Variants in CHODL observed in about 807,000 individuals in gnomAD.
CHODL encodes the protein chondrolectin.
In CHODL, 29 loss-of-function variants were observed where a neutral mutation model predicts 34.5. The observed-to-expected ratio is 0.84, with a 90% CI of 0.63 to 1.15. CHODL has a LOEUF of 1.15. Ranked by LOEUF, CHODL falls within the 50% of genes most tolerant of loss-of-function variation. The probability of loss-of-function intolerance (pLI) is 0.00; values close to 1 mark genes in which losing one functional copy is unlikely to be tolerated. For missense variants in CHODL, 332 were observed against 332.5 expected, an observed-to-expected ratio of 1.00 and a Z score of 0.01; for synonymous variants, 125 against 116.1, an observed-to-expected ratio of 1.08 and a Z score of -0.49.
In CHODL at chr21:18,255,273, C is replaced by G. The variant is rs541016214; in HGVS notation, c.80-1236C>G. 2.6e-5 allele frequency among the ~76,000 whole-genome samples: 4 copies of G among 151,982 alleles called. No homozygotes were observed. In the South Asian group the frequency reaches 8.3e-4, roughly 32 times the overall value. On this transcript the variant is annotated intron_variant, in intron 1 of 5. Transcript: ENST00000299295. ...ATAAAACCACCAGTAGTAAGATTAACTACAGAAAAAGGTGAATTTAAATGA... is the reference window on the plus strand; with the variant it reads ...ATAAAACCACCAGTAGTAAGATTAAGTACAGAAAAAGGTGAATTTAAATGA...
At chr21:17,978,421 CAA>C (rs914459888) in intron 1 of CHODL, among the ~76,000 whole-genome samples, 21 of 73,154 alleles carry the variant, frequency 2.9e-4, no homozygotes, top group East Asian at 4.7e-4. Flanking sequence ...GACTCCGTAT[CAA>C]AAAAAAAAAA....
At chr21:18,257,169 T>C in intron 3 of CHODL, 42 bp downstream of exon 3, 1 of 1,529,656 alleles carries the variant, frequency 6.5e-7, no homozygotes, top group Non-Finnish European at 8.8e-7. Context: ...TTTGTGCATG[T>C]TTAATTGTAT....
chr21:18,124,614 G>A (rs549864541), intron 2 of CHODL, among the ~76,000 whole-genome samples: 1 of 152,170 alleles, frequency 6.6e-6, no homozygotes, highest in Non-Finnish European at 1.5e-5. Flanking sequence ...AATTTTCGTG[G>A]TGAGAATGTT....
chr21:17,946,319 T>C (rs557527743), intron 1 of CHODL, among the ~76,000 whole-genome samples: 6 of 152,232 alleles, frequency 3.9e-5, no homozygotes, highest in African/African-American at 9.6e-5. Context: ...CTCGGGAGGC[T>C]GAGGCAGGAG....
intron 1 of CHODL, among the ~76,000 whole-genome samples, chr21:17,925,598 C>T (rs1041059796): frequency 6.6e-5 from 10 of 152,196 alleles, no homozygotes; most frequent in Admixed American, 4.6e-4. Context: ...TTTTCATTGT[C>T]ATGAATTGGG....
At chr21:18,017,277 G>A (rs2064084391) in intron 1 of CHODL, among the ~76,000 whole-genome samples, 1 of 152,220 alleles carries the variant, frequency 6.6e-6, no homozygotes, top group Non-Finnish European at 1.5e-5. Context: ...TGTGTTGGAG[G>A]TGGGGCCTCG....
chr21:18,035,865 G>C (rs561169974), intron 2 of CHODL, among the ~76,000 whole-genome samples: 2 of 151,992 alleles, frequency 1.3e-5, no homozygotes, highest in African/African-American at 4.8e-5. Flanking sequence ...ATTATGGTGT[G>C]TATTAATGTC....
intron 5 of CHODL, among the ~76,000 whole-genome samples, chr21:18,263,285 A>T (rs148469081): frequency 2.0e-5 from 3 of 152,318 alleles, no homozygotes; most frequent in African/African-American, 4.8e-5. Flanking sequence ...CAATCTAGAC[A>T]TCAAGCTATA....
At chr21:18,118,401 T>C (rs2065438848) in intron 2 of CHODL, among the ~76,000 whole-genome samples, 1 of 152,156 alleles carries the variant, frequency 6.6e-6, no homozygotes, top group African/African-American at 2.4e-5. Context: ...AAAATACTAA[T>C]TAACATCCTC....
chr21:18,165,700 G>A (rs535425684), intron 2 of CHODL, among the ~76,000 whole-genome samples: 14 of 152,284 alleles, frequency 9.2e-5, no homozygotes, highest in African/African-American at 2.6e-4. Context: ...CACTTCTGTT[G>A]TAGTTTTATT....
At chr21:18,120,753 C>T (rs557357956) in intron 2 of CHODL, among the ~76,000 whole-genome samples, 1 of 128,332 alleles carries the variant, frequency 7.8e-6, no homozygotes, top group East Asian at 3.0e-4. Context: ...CAAAATACCT[C>T]TGTGAATATC....
chr21:18,138,136 A>G (rs770341694), intron 2 of CHODL, among the ~76,000 whole-genome samples: 4 of 149,578 alleles, frequency 2.7e-5, no homozygotes, highest in African/African-American at 5.0e-5. Context: ...GTGTCCAACA[A>G]CTTATATCCT....
intron 2 of CHODL, among the ~76,000 whole-genome samples, chr21:18,063,505 C>A (rs181363423): frequency 3.3e-5 from 5 of 152,174 alleles, no homozygotes; most frequent in African/African-American, 9.6e-5. Flanking sequence ...AAGAGAAAAT[C>A]GGTCATGTGC....
intron 2 of CHODL, among the ~76,000 whole-genome samples, chr21:18,090,085 A>T (rs186752287): frequency 6.6e-6 from 1 of 152,376 alleles, no homozygotes; most frequent in East Asian, 1.9e-4. Flanking sequence ...CAATAACCCT[A>T]TCAGTGCATA....
At chr21:18,167,238 T>G (rs978192670) in intron 2 of CHODL, among the ~76,000 whole-genome samples, 1 of 151,124 alleles carries the variant, frequency 6.6e-6, no homozygotes. Context: ...TGTGTGTGTG[T>G]GTGTGTGTGT....
At chr21:18,024,403 G>C (rs994921819) in intron 1 of CHODL, among the ~76,000 whole-genome samples, 4 of 152,126 alleles carry the variant, frequency 2.6e-5, no homozygotes, top group African/African-American at 7.2e-5. Context: ...TAGAAATTCA[G>C]ATGAAATAAA....
chr21:17,926,374 GGGT>G (rs1305225371), intron 1 of CHODL, among the ~76,000 whole-genome samples: 8,032 of 68,024 alleles, frequency 0.12, 552 homozygotes, highest in African/African-American at 0.23. Flanking sequence ...TAAATAAGGT[GGGT>G]TTTTTTTTTT....
chr21:18,262,643 T>G, intron 4 of CHODL, 148 bp from the exon 5 acceptor site: 1 of 591,360 alleles, frequency 1.7e-6, no homozygotes, highest in Non-Finnish European at 3.0e-6. Flanking sequence ...TATTATTTCA[T>G]TAGATTTTTC....
intron 2 of CHODL, among the ~76,000 whole-genome samples, chr21:18,177,420 C>T (rs772725908): frequency 1.3e-5 from 2 of 151,992 alleles, no homozygotes; most frequent in Admixed American, 6.6e-5. Flanking sequence ...TTATTGTTTG[C>T]TTCTTTTATA....
Sources: gnomAD v4.1 joint callset for allele counts (sites outside exome capture counted in the v4.1 genomes callset) on GRCh38, gnomAD v4.1.1 for gene constraint, MANE v1.5 for transcripts, NCBI Gene and HGNC (gene_info 2026-07-23, HGNC 2026-07-21) for gene names.